Variants in ABCA12 observed in about 807,000 individuals in gnomAD.
ABCA12 encodes ATP binding cassette subfamily A member 12.
In ABCA12, 156 loss-of-function variants were observed where a neutral mutation model predicts 293.5. The ratio of observed to expected loss-of-function variants is 0.53; its 90% CI spans 0.47 to 0.61. ABCA12 has a LOEUF of 0.61. ABCA12 is among the 20% of genes least tolerant of loss of function. ABCA12 has a pLI of 0.00. For synonymous variants in ABCA12, 1,063 were observed against 1,108.0 expected (o/e 0.96, Z 0.81); for missense variants, 2,797 against 3,090.2 (o/e 0.91, Z 2.25).
At chr2:215,094,832 G>C (rs1375655771) in intron 2 of ABCA12, among the ~76,000 whole-genome samples, 1 of 152,006 alleles carries the variant, frequency 6.6e-6, no homozygotes, top group East Asian at 1.9e-4. Context: ...TGCTGCCCTC[G>C]CTAAATCCCT....
intron 1 of ABCA12, among the ~76,000 whole-genome samples, chr2:215,124,550 A>G (rs1702881647): frequency 6.6e-6 from 1 of 152,154 alleles, no homozygotes. Context: ...TTCCCTGATC[A>G]TTAGTAATGC....
chr2:215,045,295 AT>A (rs1379417109), intron 7 of ABCA12, among the ~76,000 whole-genome samples: 1 of 152,200 alleles, frequency 6.6e-6, no homozygotes, highest in Non-Finnish European at 1.5e-5. Flanking sequence ...AGGTTTTAAA[AT>A]CTTTATAACA....
intron 2 of ABCA12, among the ~76,000 whole-genome samples, chr2:215,075,189 G>A (rs1701811463): frequency 6.6e-6 from 1 of 152,148 alleles, no homozygotes; most frequent in Admixed American, 6.5e-5. Flanking sequence ...GCAAAGAGGG[G>A]GGAAAATTGA....
chr2:214,981,297 TTCTC>T (rs1016309314), intron 30 of ABCA12, among the ~76,000 whole-genome samples: 3 of 152,104 alleles, frequency 2.0e-5, no homozygotes, highest in Admixed American at 6.5e-5. Flanking sequence ...TGCATTGTTT[TTCTC>T]TCTCTCTTCC....
chr2:215,085,376 T>G (rs1489800828), intron 2 of ABCA12: 1 of 152,154 alleles, frequency 6.6e-6, no homozygotes, highest in Non-Finnish European at 1.5e-5. Flanking sequence ...CAAAACCTGG[T>G]TCCAACTCTA....
intron 36 of ABCA12, 47 bp from the exon 37 acceptor site, chr2:214,970,447 CAAGTT>C (rs1225781731): frequency 6.2e-7 from 1 of 1,606,846 alleles, no homozygotes; most frequent in Admixed American, 1.7e-5. Flanking sequence ...CAATGCTGTG[CAAGTT>C]AAATAGACAA....
intron 2 of ABCA12, among the ~76,000 whole-genome samples, chr2:215,071,694 G>A (rs188912840): frequency 2.6e-5 from 4 of 152,290 alleles, no homozygotes; most frequent in Non-Finnish European, 4.4e-5. Flanking sequence ...CAATGCTTGT[G>A]TAAGGTACTA....
At chr2:215,129,133 G>C (rs189777142) in intron 1 of ABCA12, among the ~76,000 whole-genome samples, 18 of 152,322 alleles carry the variant, frequency 1.2e-4, no homozygotes, top group Admixed American at 9.8e-4. Context: ...TCTGCACAGA[G>C]TCCTGTGATG....
At chr2:215,073,875 G>A (rs1024487887) in intron 2 of ABCA12, among the ~76,000 whole-genome samples, 1 of 152,168 alleles carries the variant, frequency 6.6e-6, no homozygotes. Context: ...GGGAAGCATC[G>A]GGGATTCCTC....
Position 215,046,097 on chromosome 2 carries a change from A to G in ABCA12, c.694-82T>C, listed in dbSNP as rs1040465711. ...TGGTTTGCTGTTTTTAAAAGCATCA[A>G]AAATCTAGATTTTCACATAAGCAAT... On this transcript the variant is annotated intron_variant, in intron 6 of 52. Transcript: ENST00000272895. 1.3e-5 allele frequency: 18 copies of G among 1,427,576 alleles called. No individual in the cohort carries two copies. The African/African-American group carries it at 1.6e-4, about 12-fold the overall frequency. The allele number at this position is 1,427,576 out of a possible 1,614,324, so 88.4% of individuals were successfully genotyped here.
intron 2 of ABCA12, among the ~76,000 whole-genome samples, chr2:215,075,930 G>T (rs1450267438): frequency 6.6e-6 from 1 of 152,182 alleles, no homozygotes; most frequent in Non-Finnish European, 1.5e-5. Context: ...TAATTCAACA[G>T]ATGGTCTATT....
chr2:214,975,857 G>C lies in ABCA12; in HGVS notation c.5309C>G (p.Ser1770Cys). ...TAMGLGTLRNSSNSYPEIQIS... is the reference protein window; with the variant it reads ...TAMGLGTLRNCSNSYPEIQIS... ...CTGAATCTCTGGATAACTGTTGCTG[G>C]AATTTCTCAGTGTGCCAAGGCCCAT... The change falls in exon 34 of 53, where the codon TCC becomes TGC. Residue 1770 changes from serine to cysteine, a missense_variant. Around this residue, in one of 3 missense-constraint regions of ABCA12, gnomAD observed 2,130 missense variants for 2,427.0 expected, o/e 0.88. Coordinates refer to ENST00000272895, the MANE Select transcript of ABCA12 (RefSeq NM_173076.3). The C allele has an allele frequency of 1.9e-6, 3 of 1,614,102 alleles. No individual in the cohort carries two copies. Among genetic ancestry groups the C allele is most frequent in the South Asian group, 1.1e-5 (1 of 91,082 alleles).
rs367731410 is a variant in ABCA12 at position 214,994,274 on chromosome 2, T to A, written c.3295-3243A>T. 6.6e-5 allele frequency among the ~76,000 whole-genome samples: 10 copies of A among 151,670 alleles called. No homozygotes were observed. The South Asian group carries it at 2.1e-3, about 32-fold the overall frequency. The stretch of plus-strand genomic sequence containing the variant: ...ATTAGTTCCTCCTCAAAGTGACAGA[T>A]GTCAGGTGCCAGCTTTGTAATCAGA... On this transcript the variant is annotated intron_variant, in intron 23 of 52. Coordinates refer to ENST00000272895, the MANE Select transcript of ABCA12 (RefSeq NM_173076.3).
At chr2:215,023,706 C>T (rs1265823152) in intron 11 of ABCA12, 2 of 152,200 alleles carry the variant, frequency 1.3e-5, no homozygotes, top group African/African-American at 2.4e-5. Context: ...TAAGCTCCTA[C>T]TATGTGGGGC....
chr2:215,027,435 T>C (rs1245175590), intron 9 of ABCA12, among the ~76,000 whole-genome samples: 1 of 152,234 alleles, frequency 6.6e-6, no homozygotes, highest in East Asian at 1.9e-4. Context: ...CTACTCTAGA[T>C]CTTCTGAGCA....
intron 1 of ABCA12, among the ~76,000 whole-genome samples, chr2:215,137,174 CT>C (rs1470283316): frequency 6.6e-6 from 1 of 152,158 alleles, no homozygotes; most frequent in Non-Finnish European, 1.5e-5. Flanking sequence ...AAATGAACAT[CT>C]ACTTCCTCCT....
chr2:214,948,972 T>G, intron 46 of ABCA12, 68 bp downstream of exon 46: 1 of 1,382,250 alleles, frequency 7.2e-7, no homozygotes. Context: ...ACATTAAATG[T>G]TCATTTCAAT....
intron 45 of ABCA12, among the ~76,000 whole-genome samples, chr2:214,950,384 CTGTGTGTGTGTGTGTGTGTGTGTG>C (rs61619476): frequency 8.6e-6 from 1 of 116,584 alleles, no homozygotes; most frequent in African/African-American, 2.9e-5. Context: ...ATATATATAT[CTGTGTGTGTGTGTGTGTGTGTGTG>C]TGTGTGTGTG....
At chr2:215,122,061 C>T (rs1006322564) in intron 1 of ABCA12, among the ~76,000 whole-genome samples, 7 of 152,108 alleles carry the variant, frequency 4.6e-5, no homozygotes, top group Admixed American at 3.9e-4. Flanking sequence ...TTGTGAAATC[C>T]GTACTTATAG....
Sources: gnomAD v4.1 joint callset for allele counts (sites outside exome capture counted in the v4.1 genomes callset) on GRCh38, gnomAD v4.1.1 for gene constraint, gnomAD v4.1.1 regional missense constraint, MANE v1.5 for transcripts, NCBI Gene and HGNC (gene_info 2026-07-23, HGNC 2026-07-21) for gene names.